The following PROS1 variants were observed in gnomAD, a reference collection of about 807,000 sequenced individuals.
PROS1 encodes vitamin K-dependent protein S.
PROS1 carries 29 observed loss-of-function variants against 75.9 expected under a neutral mutation model. That is an observed-to-expected ratio of 0.38 (90% CI 0.28 to 0.52). The LOEUF (loss-of-function observed/expected upper bound fraction) is 0.52. Among genes scored for constraint, PROS1 ranks in the 20% least tolerant of loss-of-function variants. The pLI, the probability that PROS1 is intolerant of heterozygous loss-of-function variation, is 0.83. For missense variants in PROS1, 680 were observed against 810.3 expected (o/e 0.84, Z 1.95); for synonymous variants, 245 against 280.6 (o/e 0.87, Z 1.27).
At chr3:93,918,261 G>T (rs765628458) in intron 3 of PROS1, among the ~76,000 whole-genome samples, 4 of 152,018 alleles carry the variant, frequency 2.6e-5, no homozygotes, top group Non-Finnish European at 5.9e-5. Context: ...GATTGTAAAC[G>T]CACCAATCAG....
At chr3:93,942,821 T>C (rs1709309524) in intron 1 of PROS1, among the ~76,000 whole-genome samples, 1 of 152,146 alleles carries the variant, frequency 6.6e-6, no homozygotes, top group Admixed American at 6.5e-5. Context: ...CATCTGCTCT[T>C]CTACTACTCC....
intron 1 of PROS1, among the ~76,000 whole-genome samples, chr3:93,972,382 GACTA>G (rs1377753124): frequency 6.6e-6 from 1 of 152,164 alleles, no homozygotes; most frequent in African/African-American, 2.4e-5. Flanking sequence ...TCATCCTGAT[GACTA>G]ACTAATAGAA....
rs1162546120 is a variant in PROS1, at chr3:93,896,665, G to T, written c.876C>A (p.Asn292Lys). 1 of 1,613,542 alleles carries T rather than the reference G, an allele frequency of 6.2e-7. No homozygotes were observed. The highest frequency in any genetic ancestry group is 1.7e-5 in the Admixed American group (1 of 59,988). ...CEVVSVCLPL[N>K]LDTKYELLYL... The stretch of plus-strand genomic sequence containing the variant: ...AAAGTAATTCATACTTTGTGTCAAG[G>T]TTCAAGGGAAGGCACACTGAAACAA... The change falls in exon 9 of 15, where the codon AAC becomes AAA. Residue 292 changes from asparagine (N) to lysine (K), a missense_variant. Asn to Lys is a moderately conservative substitution (Grantham distance 94). Transcript: ENST00000394236.
At chr3:93,944,691 AC>A (rs745741535) in intron 1 of PROS1, among the ~76,000 whole-genome samples, 2 of 152,226 alleles carry the variant, frequency 1.3e-5, no homozygotes, top group South Asian at 4.1e-4. Flanking sequence ...CTAAATGCCC[AC>A]AAGAGAAAGC....
intron 12 of PROS1, among the ~76,000 whole-genome samples, chr3:93,881,165 C>A (rs1249606728): frequency 6.6e-6 from 1 of 151,852 alleles, no homozygotes; most frequent in Non-Finnish European, 1.5e-5. Flanking sequence ...CTCTGCAAAA[C>A]ATAAAAATTA....
chr3:93,919,669 A>G (rs1182834550), intron 3 of PROS1, among the ~76,000 whole-genome samples: 1 of 152,136 alleles, frequency 6.6e-6, no homozygotes, highest in Non-Finnish European at 1.5e-5. Context: ...CCCCCATGTC[A>G]TCAGTCACAA....
intron 1 of PROS1, among the ~76,000 whole-genome samples, chr3:93,941,657 A>G (rs1402517699): frequency 6.6e-6 from 1 of 152,134 alleles, no homozygotes; most frequent in Non-Finnish European, 1.5e-5. Context: ...ACACACAGCC[A>G]AAGTGCAGGG....
chr3:93,940,975 C>T (rs138203536), intron 1 of PROS1, among the ~76,000 whole-genome samples: 1 of 152,256 alleles, frequency 6.6e-6, no homozygotes, highest in South Asian at 2.1e-4. Flanking sequence ...CCCTCAATAC[C>T]TTCCTCCACA....
At chr3:93,917,761 C>T (rs558693963) in intron 3 of PROS1, among the ~76,000 whole-genome samples, 1 of 152,300 alleles carries the variant, frequency 6.6e-6, no homozygotes, top group East Asian at 1.9e-4. Flanking sequence ...ACTAGGTCCC[C>T]CAGCAGTGCT....
chr3:93,937,610 G>A (rs11719832), intron 1 of PROS1, among the ~76,000 whole-genome samples: 1,826 of 151,946 alleles, frequency 0.012, 19 homozygotes, highest in Middle Eastern at 0.02. Flanking sequence ...CTCGTGATCC[G>A]CCCACCTCAG....
At chr3:93,900,022 G>T (rs1359084638) in intron 7 of PROS1, among the ~76,000 whole-genome samples, 1 of 152,020 alleles carries the variant, frequency 6.6e-6, no homozygotes, top group African/African-American at 2.4e-5. Context: ...TATATATACA[G>T]ATACAATAGA....
intron 3 of PROS1, among the ~76,000 whole-genome samples, chr3:93,913,523 C>T (rs1708791845): frequency 6.6e-6 from 1 of 152,176 alleles, no homozygotes; most frequent in Non-Finnish European, 1.5e-5. Context: ...AATTAAACCT[C>T]TTTTACATTA....
At chr3:93,899,453 A>G (rs1369979478) in intron 7 of PROS1, among the ~76,000 whole-genome samples, 1 of 152,202 alleles carries the variant, frequency 6.6e-6, no homozygotes. Flanking sequence ...TATTAAAGTT[A>G]TAGATAAGAG....
At chr3:93,962,094 G>A (rs1709714163) in intron 1 of PROS1, among the ~76,000 whole-genome samples, 1 of 152,104 alleles carries the variant, frequency 6.6e-6, no homozygotes, top group Non-Finnish European at 1.5e-5. Flanking sequence ...AAACATGCTG[G>A]TGGGAGGGAC....
At chr3:93,922,256 T>G (rs1210177233) in intron 3 of PROS1, among the ~76,000 whole-genome samples, 2 of 152,174 alleles carry the variant, frequency 1.3e-5, no homozygotes, top group African/African-American at 2.4e-5. Context: ...TCAGGTTTTT[T>G]CCTTATTTTA....
chr3:93,973,159 T>G (rs1377589274), intron 1 of PROS1, among the ~76,000 whole-genome samples: 1 of 152,182 alleles, frequency 6.6e-6, no homozygotes, highest in Non-Finnish European at 1.5e-5. Flanking sequence ...GACATATATC[T>G]ACTGCTATAC....
chr3:93,900,111 T>G (rs1708567856), intron 7 of PROS1, among the ~76,000 whole-genome samples: 1 of 152,270 alleles, frequency 6.6e-6, no homozygotes, highest in African/African-American at 2.4e-5. Flanking sequence ...AGGTATGAGA[T>G]AATCTGTATA....
chr3:93,905,737 T>C, intron 6 of PROS1, 47 bp downstream of exon 6: 1 of 1,590,462 alleles, frequency 6.3e-7, no homozygotes, highest in Non-Finnish European at 8.6e-7. Flanking sequence ...TAACTGGGAT[T>C]ATTCTCACAT....
chr3:93,918,354 G>A (rs554460142), intron 3 of PROS1, among the ~76,000 whole-genome samples: 2 of 152,026 alleles, frequency 1.3e-5, no homozygotes, highest in African/African-American at 4.8e-5. Context: ...CAGGCTGCCC[G>A]AGCCAGCAGT....
Sources: gnomAD v4.1 joint callset for allele counts (sites outside exome capture counted in the v4.1 genomes callset) on GRCh38, gnomAD v4.1.1 for gene constraint, MANE v1.5 for transcripts, NCBI Gene and HGNC (gene_info 2026-07-23, HGNC 2026-07-21) for gene names.